Variants in NTRK3 observed in about 807,000 individuals in gnomAD.
The protein encoded by NTRK3 is neurotrophic receptor tyrosine kinase 3, also known as NT-3 growth factor receptor.
A neutral mutation model predicts 91.7 loss-of-function variants in NTRK3; 24 were observed. The ratio of observed to expected loss-of-function variants is 0.26; its 90% CI spans 0.19 to 0.37. The LOEUF is 0.37. Among genes scored for constraint, NTRK3 ranks in the 10% least tolerant of loss-of-function variants. NTRK3 has a pLI of 1.00. For missense variants in NTRK3, 880 were observed against 1,068.9 expected (o/e 0.82, Z 2.46); for synonymous variants, 483 against 404.0 (o/e 1.20, Z -2.34).
exon 19 of NTRK3, chr15:87,873,499 G>A (rs1435651745): frequency 1.3e-5 from 3 of 231,612 alleles, no homozygotes; most frequent in Non-Finnish European, 1.7e-5. Flanking sequence ...AGGTTGGCAT[G>A]GCAGAGAGAC....
At chr15:88,062,991 C>T (rs1390452706) in intron 13 of NTRK3, among the ~76,000 whole-genome samples, 3 of 152,222 alleles carry the variant, frequency 2.0e-5, no homozygotes, top group Non-Finnish European at 4.4e-5. Flanking sequence ...CTTCCCCATC[C>T]CCCTCACCCA....
chr15:87,981,267 G>C (rs768338883), intron 14 of NTRK3: 4 of 1,593,132 alleles, frequency 2.5e-6, no homozygotes, highest in South Asian at 2.2e-5. Context: ...CTGGACCTCA[G>C]GTTCCTCATA....
At chr15:88,068,000 G>A (rs561160793) in intron 13 of NTRK3, among the ~76,000 whole-genome samples, 3 of 152,254 alleles carry the variant, frequency 2.0e-5, no homozygotes, top group East Asian at 3.9e-4. Flanking sequence ...GACTATCTTA[G>A]GAAAGAGAAT....
chr15:88,203,554 C>A (rs1321396934), intron 3 of NTRK3, among the ~76,000 whole-genome samples: 1 of 152,092 alleles, frequency 6.6e-6, no homozygotes, highest in Non-Finnish European at 1.5e-5. Context: ...TCAAACCTCA[C>A]ACGGCTAAAA....
At chr15:88,062,714 T>A (rs1206645584) in intron 13 of NTRK3, among the ~76,000 whole-genome samples, 1 of 152,260 alleles carries the variant, frequency 6.6e-6, no homozygotes, top group South Asian at 2.1e-4. Context: ...CCATTGTTAT[T>A]TGGAGCTTCT....
intron 13 of NTRK3, chr15:88,072,731 G>A (rs189797484): frequency 2.5e-4 from 59 of 233,026 alleles, no homozygotes; most frequent in African/African-American, 1.2e-3. Flanking sequence ...AAGGCTGAGA[G>A]GTTTGGCAAC....
At chr15:87,948,766 G>A (rs2070814876) in intron 14 of NTRK3, among the ~76,000 whole-genome samples, 1 of 152,188 alleles carries the variant, frequency 6.6e-6, no homozygotes, top group Non-Finnish European at 1.5e-5. Context: ...ATTCCAGGTT[G>A]AATGACCACC....
intron 13 of NTRK3, among the ~76,000 whole-genome samples, chr15:88,064,875 C>A (rs1321380118): frequency 6.6e-6 from 1 of 152,176 alleles, no homozygotes; most frequent in Admixed American, 6.5e-5. Flanking sequence ...AGTTTCCTGA[C>A]AGTTGAGAGG....
At chr15:88,083,522 A>G (rs1321661253) in intron 13 of NTRK3, among the ~76,000 whole-genome samples, 2 of 152,144 alleles carry the variant, frequency 1.3e-5, no homozygotes, top group East Asian at 3.9e-4. Context: ...GCGCCCGGCC[A>G]GGAGTTTTCT....
At chr15:88,058,924 A>C (rs574001330) in intron 13 of NTRK3, among the ~76,000 whole-genome samples, 14 of 152,254 alleles carry the variant, frequency 9.2e-5, no homozygotes, top group Admixed American at 8.5e-4. Context: ...GCAGAGAAAA[A>C]TGTGGTACTC....
At chr15:88,002,617 T>C (rs891347427) in intron 14 of NTRK3, among the ~76,000 whole-genome samples, 1 of 148,072 alleles carries the variant, frequency 6.8e-6, no homozygotes, top group Non-Finnish European at 1.5e-5. Flanking sequence ...AATTTCACTG[T>C]AACTCTCACC....
chr15:88,174,820 C>G (rs1056005868), intron 5 of NTRK3, among the ~76,000 whole-genome samples: 23 of 152,232 alleles, frequency 1.5e-4, no homozygotes, highest in Non-Finnish European at 3.2e-4. Flanking sequence ...TCAGAGCCCT[C>G]CAGCGGCACC....
intron 3 of NTRK3, among the ~76,000 whole-genome samples, chr15:88,201,813 C>T (rs185434327): frequency 3.9e-5 from 6 of 152,226 alleles, no homozygotes; most frequent in Admixed American, 3.3e-4. Flanking sequence ...GCCAAGGAGC[C>T]CCTGTCCACT....
chr15:87,934,086 C>G (rs148492619), intron 15 of NTRK3, among the ~76,000 whole-genome samples: 1 of 152,180 alleles, frequency 6.6e-6, no homozygotes, highest in Non-Finnish European at 1.5e-5. Flanking sequence ...AAAGATGAAG[C>G]CTTTGAGCAC....
intron 13 of NTRK3, among the ~76,000 whole-genome samples, chr15:88,111,951 G>A (rs1396659459): frequency 6.8e-6 from 1 of 147,730 alleles, no homozygotes; most frequent in Non-Finnish European, 1.5e-5. Context: ...CTGTCACCCA[G>A]GCTGGAGTGC....
In NTRK3 at chr15:88,074,042, C is replaced by G. The variant is rs2047326768; in HGVS notation, c.1397-40997G>C. Among the ~76,000 whole-genome samples the G allele has an allele frequency of 2.6e-5, 4 of 152,300 alleles. No homozygotes were observed. In the South Asian group the frequency reaches 6.2e-4, roughly 24 times the overall value. ...CCAGACCAAGGGGGCTTGTCTCTGT[C>G]TCTCCGGAATATGCAGGTGCTACCA... On this transcript the variant is annotated intron_variant, in intron 13 of 18. Transcript: ENST00000394480.
At chr15:87,955,495 A>G (rs1323398018) in intron 14 of NTRK3, among the ~76,000 whole-genome samples, 1 of 152,272 alleles carries the variant, frequency 6.6e-6, no homozygotes, top group East Asian at 1.9e-4. Context: ...AACTCACAGC[A>G]GGTGGAAGGC....
chr15:88,048,474 G>A (rs1381382616), intron 13 of NTRK3, among the ~76,000 whole-genome samples: 1 of 152,166 alleles, frequency 6.6e-6, no homozygotes, highest in African/African-American at 2.4e-5. Context: ...GCTGACACAG[G>A]TACATTCCCC....
chr15:88,074,428 A>G (rs1175298295), intron 13 of NTRK3, among the ~76,000 whole-genome samples: 1 of 152,166 alleles, frequency 6.6e-6, no homozygotes, highest in Non-Finnish European at 1.5e-5. Flanking sequence ...GTTAATTTAA[A>G]TTGCCCACAC....
Sources: allele counts gnomAD v4.1 joint callset (sites outside exome capture counted in the v4.1 genomes callset), GRCh38; gene constraint gnomAD v4.1.1; transcripts MANE v1.5; gene names NCBI Gene and HGNC (gene_info 2026-07-23, HGNC 2026-07-21).